FOXP2: variants seen among roughly 807,000 people sequenced by gnomAD.
FOXP2 encodes the protein forkhead box protein P2.
Under a neutral mutation model 115.8 loss-of-function variants are expected in FOXP2, and 12 were observed. The ratio of observed to expected loss-of-function variants is 0.10; its 90% CI spans 0.07 to 0.17. FOXP2 has a LOEUF of 0.17. Ranked by LOEUF, FOXP2 falls within the 10% of genes least tolerant of loss-of-function variation. The probability of loss-of-function intolerance (pLI) is 1.00; values close to 1 mark genes in which losing one functional copy is unlikely to be tolerated. For missense variants in FOXP2, 629 were observed against 843.5 expected, an observed-to-expected ratio of 0.75 and a Z score of 3.15; for synonymous variants, 328 against 297.7, an observed-to-expected ratio of 1.10 and a Z score of -1.05.
chr7:114,585,045 G>A (rs541730509), intron 3 of FOXP2, among the ~76,000 whole-genome samples: 8 of 152,234 alleles, frequency 5.3e-5, no homozygotes, highest in Admixed American at 1.3e-4. Context: ...AATCAAAAAC[G>A]AAGTATAGTT....
chr7:114,385,597 G>A (rs920298185), intron 2 of FOXP2, among the ~76,000 whole-genome samples: 2 of 152,156 alleles, frequency 1.3e-5, no homozygotes, highest in Non-Finnish European at 2.9e-5. Flanking sequence ...TTGTTAGAAA[G>A]CCCTTCCCCA....
chr7:114,581,075 G>GCACGCACA lies in FOXP2; in HGVS notation c.258+46372_258+46373insGCACACAC, dbSNP rs1554424103. Among the ~76,000 whole-genome samples, 8 of 144,664 alleles carry GCACGCACA rather than the reference G, an allele frequency of 5.5e-5. No homozygotes were observed. In the Admixed American group the frequency reaches 5.5e-4, roughly 10 times the overall value. 94.9% of individuals were successfully genotyped at this position (144,664 alleles called of 152,430 possible). On this transcript the variant is annotated intron_variant, in intron 3 of 16. Coordinates refer to ENST00000350908, the MANE Select transcript of FOXP2 (RefSeq NM_014491.4). ...AGAAGATACACTCACATAAACACATGCACACACACACACACACACACACAC... is the reference window on the plus strand; with the variant it reads ...AGAAGATACACTCACATAAACACATGCACGCACACACACACACACACACACACACACAC...
At chr7:114,567,445 T>C (rs889559389) in intron 3 of FOXP2, among the ~76,000 whole-genome samples, 4 of 152,166 alleles carry the variant, frequency 2.6e-5, no homozygotes, top group African/African-American at 4.8e-5. Flanking sequence ...AGCATTCTTA[T>C]GTTCAGCACT....
At chr7:114,481,111 G>A (rs573873923) in intron 2 of FOXP2, among the ~76,000 whole-genome samples, 45 of 150,998 alleles carry the variant, frequency 3.0e-4, no homozygotes, top group Admixed American at 5.3e-4. Context: ...AGGATATGTT[G>A]ATATAGATTA....
chr7:114,664,554 G>A (rs2129342956), intron 16 of FOXP2, 118 bp downstream of exon 16: 1 of 1,205,140 alleles, frequency 8.3e-7, no homozygotes, highest in Non-Finnish European at 1.2e-6. Context: ...TTTAAGTGGA[G>A]TTAAATTATA....
At chr7:114,335,845 A>T (rs1797840331) in intron 2 of FOXP2, among the ~76,000 whole-genome samples, 1 of 151,664 alleles carries the variant, frequency 6.6e-6, no homozygotes, top group African/African-American at 2.4e-5. Context: ...TCATCTCAGG[A>T]ATGAGAGTAC....
At chr7:114,125,853 C>A (rs181106188) in intron 1 of FOXP2, among the ~76,000 whole-genome samples, 1 of 152,250 alleles carries the variant, frequency 6.6e-6, no homozygotes, top group East Asian at 1.9e-4. Context: ...GTTGTTCTTA[C>A]TGCATAGAGC....
intron 1 of FOXP2, among the ~76,000 whole-genome samples, chr7:114,419,039 A>G (rs1793478012): frequency 6.6e-6 from 1 of 151,966 alleles, no homozygotes; most frequent in African/African-American, 2.4e-5. Flanking sequence ...TCAACTGGCT[A>G]TATTTTTCCT....
intron 2 of FOXP2, among the ~76,000 whole-genome samples, chr7:114,288,499 G>A (rs1298832973): frequency 6.6e-6 from 1 of 151,616 alleles, no homozygotes; most frequent in African/African-American, 2.4e-5. Context: ...AAGTTCATTT[G>A]GTATTGAAGT....
chr7:114,223,874 G>A (rs1304474339), intron 1 of FOXP2, among the ~76,000 whole-genome samples: 1 of 151,346 alleles, frequency 6.6e-6, no homozygotes, highest in Admixed American at 6.6e-5. Flanking sequence ...TTTTTTTATG[G>A]TTAGAATTTT....
At chr7:114,677,121 A>C (rs1050326533) in intron 16 of FOXP2, among the ~76,000 whole-genome samples, 2 of 151,106 alleles carry the variant, frequency 1.3e-5, no homozygotes, top group African/African-American at 4.9e-5. Context: ...AGCCAAGATC[A>C]CGCCACTGCA....
At chr7:114,631,408 A>G (rs1684389198) in intron 5 of FOXP2, 120 bp from the exon 6 acceptor site, 5 of 1,513,636 alleles carry the variant, frequency 3.3e-6, no homozygotes, top group East Asian at 2.5e-5. Flanking sequence ...CTGAACTTTG[A>G]CTATGGGATG....
At chr7:114,262,261 A>C (rs532707600) in intron 1 of FOXP2, among the ~76,000 whole-genome samples, 135 of 152,152 alleles carry the variant, frequency 8.9e-4, no homozygotes, top group Non-Finnish European at 1.1e-3. Flanking sequence ...CCATCTCTAC[A>C]AAAAATTAAA....
intron 2 of FOXP2, among the ~76,000 whole-genome samples, chr7:114,319,547 AAG>A (rs1006571962): frequency 6.6e-6 from 1 of 152,158 alleles, no homozygotes; most frequent in African/African-American, 2.4e-5. Context: ...GCAGCAGGCA[AAG>A]AGAGAGCGTG....
At chr7:114,368,961 T>C (rs976655047) in intron 2 of FOXP2, among the ~76,000 whole-genome samples, 2 of 152,208 alleles carry the variant, frequency 1.3e-5, no homozygotes, top group Non-Finnish European at 2.9e-5. Flanking sequence ...CTGGAAAACT[T>C]GTCTCTGCTT....
intron 2 of FOXP2, among the ~76,000 whole-genome samples, chr7:114,403,187 C>T (rs1698972249): frequency 6.6e-6 from 1 of 152,154 alleles, no homozygotes; most frequent in African/African-American, 2.4e-5. Flanking sequence ...AGTAATACAA[C>T]TTCATTGAAA....
intron 1 of FOXP2, among the ~76,000 whole-genome samples, chr7:114,208,309 C>T (rs1794252640): frequency 6.6e-6 from 1 of 152,094 alleles, no homozygotes; most frequent in South Asian, 2.1e-4. Flanking sequence ...TTGCATGGGG[C>T]CTGTATCCCC....
chr7:114,187,813 G>A (rs1793652087), intron 1 of FOXP2, among the ~76,000 whole-genome samples: 1 of 152,098 alleles, frequency 6.6e-6, no homozygotes, highest in South Asian at 2.1e-4. Flanking sequence ...CACAGTTCTT[G>A]AGGCTCAAAA....
Position 114,356,023 on chromosome 7 carries a change from G to A in FOXP2, c.-11+67914G>A, listed in dbSNP as rs536855176. 2.0e-5 allele frequency among the ~76,000 whole-genome samples: 3 copies of A among 152,022 alleles called. No homozygotes were observed. The South Asian group carries it at 6.2e-4, about 32-fold the overall frequency. ...TTTTAAAAAATCATTTTAATTAGTT[G>A]CTGTTATTGTAGTTATCATTATCTT... On this transcript the variant is annotated intron_variant, in intron 2 of 17. Coordinates refer to the FOXP2 transcript ENST00000634411.
Sources: gnomAD v4.1 joint callset for allele counts (sites outside exome capture counted in the v4.1 genomes callset) on GRCh38, gnomAD v4.1.1 for gene constraint, MANE v1.5 for transcripts, NCBI Gene and HGNC (gene_info 2026-07-23, HGNC 2026-07-21) for gene names.